The following CDH13 variants were observed in gnomAD, a reference collection of about 807,000 sequenced individuals.
The protein encoded by CDH13 is cadherin 13.
A neutral mutation model predicts 63.8 loss-of-function variants in CDH13; 24 were observed. That is an observed-to-expected ratio of 0.38 (90% CI 0.27 to 0.53). The LOEUF (loss-of-function observed/expected upper bound fraction) is 0.53, where lower values mean the gene tolerates loss of function less well. CDH13 is among the 20% of genes least tolerant of loss of function. CDH13 has a pLI of 0.85. For missense variants in CDH13, 1,049 were observed against 903.1 expected (o/e 1.16, Z -2.07); for synonymous variants, 503 against 355.3 (o/e 1.42, Z -4.67).
chr16:83,728,040 C>A (rs1910615765), intron 10 of CDH13, among the ~76,000 whole-genome samples: 1 of 152,148 alleles, frequency 6.6e-6, no homozygotes. Flanking sequence ...TGTGACTGTA[C>A]AAAGAGCCAC....
rs893842417 is a variant in CDH13 at position 82,652,593 on chromosome 16, T to A, written c.45+25456T>A. Among the ~76,000 whole-genome samples the A allele has an allele frequency of 2.0e-5, 3 of 151,964 alleles. No individual in the cohort carries two copies. The East Asian group carries it at 5.8e-4, about 29-fold the overall frequency. On this transcript the variant is annotated intron_variant, in intron 1 of 13. Coordinates refer to ENST00000567109, the MANE Select transcript of CDH13 (RefSeq NM_001257.5). Reference sequence around the variant, plus strand: ...CTACTCCTCATTTAAAAATTACAGATCTTGGAAAATGAACCAATCTAGAAA... The same window carrying A: ...CTACTCCTCATTTAAAAATTACAGAACTTGGAAAATGAACCAATCTAGAAA...
At chr16:83,376,261 C>T (rs555939609) in intron 6 of CDH13, among the ~76,000 whole-genome samples, 60 of 152,250 alleles carry the variant, frequency 3.9e-4, no homozygotes, top group African/African-American at 1.4e-3. Flanking sequence ...AAGTCATGTG[C>T]CCATCCCTGA....
At position 83,423,067 on chromosome 16, in the gene CDH13, T is replaced by A. The variant is rs143997073; in HGVS notation, c.782-63410T>A. ...GTACATGTCTTTCTTCCATTTATAA[T>A]GTAGATTTACATGTAACAGCAAACT... On this transcript the variant is annotated intron_variant, in intron 6 of 13. Coordinates refer to ENST00000567109, the MANE Select transcript of CDH13 (RefSeq NM_001257.5). Among the ~76,000 whole-genome samples, 268 of 152,340 alleles carry A rather than the reference T, an allele frequency of 1.8e-3. 1 individual carries two copies. The highest frequency in any genetic ancestry group is 6.0e-3 in the African/African-American group (249 of 41,584).
chr16:82,917,076 G>C (rs984784584), intron 2 of CDH13, among the ~76,000 whole-genome samples: 3 of 152,210 alleles, frequency 2.0e-5, no homozygotes, highest in African/African-American at 7.2e-5. Flanking sequence ...AAACCACTGT[G>C]ACAGGAAAAG....
intron 2 of CDH13, among the ~76,000 whole-genome samples, chr16:82,929,225 G>A (rs1394155569): frequency 1.3e-5 from 2 of 152,146 alleles, no homozygotes; most frequent in Non-Finnish European, 2.9e-5. Context: ...AGCTTCCAAT[G>A]TGATGGTGTC....
At chr16:83,256,844 CAAAAAAAAAAAAA>C (rs57312967) in intron 5 of CDH13, among the ~76,000 whole-genome samples, 2 of 78,716 alleles carry the variant, frequency 2.5e-5, no homozygotes, top group African/African-American at 9.6e-5. Flanking sequence ...GACTCCATCT[CAAAAAAAAAAAAA>C]AAAAAAAAAA....
chr16:83,055,155 A>T (rs72796217), intron 3 of CDH13, among the ~76,000 whole-genome samples: 15,979 of 152,122 alleles, frequency 0.11, 1,232 homozygotes, highest in East Asian at 0.27. Context: ...TGGAAATACA[A>T]CATAACAAAA....
chr16:82,920,865 A>G (rs2042132679), intron 2 of CDH13, among the ~76,000 whole-genome samples: 1 of 152,192 alleles, frequency 6.6e-6, no homozygotes, highest in Non-Finnish European at 1.5e-5. Flanking sequence ...TGCTCCCTGA[A>G]GGCTTTTCAG....
At chr16:83,390,666 T>A (rs1254628490) in intron 6 of CDH13, among the ~76,000 whole-genome samples, 1 of 152,082 alleles carries the variant, frequency 6.6e-6, no homozygotes, top group Non-Finnish European at 1.5e-5. Flanking sequence ...TGGCCCGAGA[T>A]CAGATTGTCT....
chr16:83,649,373 A>G (rs1047999442), intron 8 of CDH13, among the ~76,000 whole-genome samples: 1 of 152,200 alleles, frequency 6.6e-6, no homozygotes, highest in South Asian at 2.1e-4. Flanking sequence ...TTTTCAATAT[A>G]TTTAATACAC....
At chr16:82,637,262 A>T (rs1283111997) in intron 1 of CDH13, among the ~76,000 whole-genome samples, 1 of 151,974 alleles carries the variant, frequency 6.6e-6, no homozygotes, top group Non-Finnish European at 1.5e-5. Flanking sequence ...AGTAAGAAAG[A>T]TTATTGCGTT....
At chr16:82,949,270 C>A (rs1905057003) in intron 2 of CDH13, among the ~76,000 whole-genome samples, 1 of 152,164 alleles carries the variant, frequency 6.6e-6, no homozygotes, top group South Asian at 2.1e-4. Context: ...CCAGGTGTTC[C>A]TTGGCTTGTA....
At chr16:83,306,867 G>T (rs2089892767) in intron 5 of CDH13, among the ~76,000 whole-genome samples, 1 of 152,132 alleles carries the variant, frequency 6.6e-6, no homozygotes, top group South Asian at 2.1e-4. Context: ...CCCAGTCTCA[G>T]GTATACTTAT....
chr16:83,122,140 G>A (rs2035612883), intron 3 of CDH13, among the ~76,000 whole-genome samples: 1 of 152,194 alleles, frequency 6.6e-6, no homozygotes, highest in African/African-American at 2.4e-5. Flanking sequence ...AATAAGATCA[G>A]TTTGCATATT....
intron 5 of CDH13, among the ~76,000 whole-genome samples, chr16:83,252,818 C>T (rs1369030521): frequency 6.6e-6 from 1 of 152,072 alleles, no homozygotes; most frequent in Non-Finnish European, 1.5e-5. Flanking sequence ...AAGGAATTTC[C>T]TAGCCCCAAA....
chr16:83,415,899 A>T (rs897821669), intron 6 of CDH13, among the ~76,000 whole-genome samples: 16 of 152,186 alleles, frequency 1.1e-4, no homozygotes, highest in Non-Finnish European at 7.4e-5. Context: ...GGAAGTCCTC[A>T]CAGGAGCAAG....
chr16:83,014,869 TATATATATATGTTTG>T (rs1914601622), intron 2 of CDH13, among the ~76,000 whole-genome samples: 3 of 139,878 alleles, frequency 2.1e-5, no homozygotes, highest in East Asian at 2.0e-4. Flanking sequence ...TATATATATG[TATATATATATGTTTG>T]TGTATATATA....
intron 5 of CDH13, among the ~76,000 whole-genome samples, chr16:83,238,218 T>C (rs1424735163): frequency 1.9e-5 from 1 of 53,524 alleles, no homozygotes; most frequent in African/African-American, 4.5e-5. Context: ...ACTGGGTAAT[T>C]CATTTAAAAA....
intron 2 of CDH13, among the ~76,000 whole-genome samples, chr16:82,918,164 G>A (rs573655831): frequency 6.6e-6 from 1 of 152,228 alleles, no homozygotes; most frequent in East Asian, 1.9e-4. Flanking sequence ...CCTTTCTGTG[G>A]TCAAAGAAAA....
Sources: allele counts gnomAD v4.1 joint callset (sites outside exome capture counted in the v4.1 genomes callset), GRCh38; gene constraint gnomAD v4.1.1; transcripts MANE v1.5; gene names NCBI Gene and HGNC (gene_info 2026-07-23, HGNC 2026-07-21).